The following OSBPL10 variants were observed in gnomAD, a reference collection of about 807,000 sequenced individuals.
OSBPL10 encodes the protein oxysterol binding protein like 10, also known as oxysterol-binding protein-related protein 10.
OSBPL10 carries 49 observed loss-of-function variants against 81.7 expected under a neutral mutation model. That is an observed-to-expected ratio of 0.60 (90% CI 0.48 to 0.76). The LOEUF (loss-of-function observed/expected upper bound fraction) is 0.76, where lower values mean the gene tolerates loss of function less well. Ranked by LOEUF, OSBPL10 falls within the 30% of genes least tolerant of loss-of-function variation. The pLI is 0.00. For synonymous variants in OSBPL10, 419 were observed against 383.6 expected, an observed-to-expected ratio of 1.09 and a Z score of -1.08; for missense variants, 923 against 987.8, an observed-to-expected ratio of 0.93 and a Z score of 0.88.
chr3:31,851,994 C>T (rs1267135415), intron 3 of OSBPL10, among the ~76,000 whole-genome samples: 1 of 152,152 alleles, frequency 6.6e-6, no homozygotes, highest in African/African-American at 2.4e-5. Flanking sequence ...GCAGAACCAC[C>T]CCGCTGGCCT....
chr3:31,926,037 C>T (rs1216503503), intron 1 of OSBPL10, among the ~76,000 whole-genome samples: 1 of 152,048 alleles, frequency 6.6e-6, no homozygotes, highest in Non-Finnish European at 1.5e-5. Flanking sequence ...TAACCACTCT[C>T]TTATCTTTAT....
upstream of OSBPL10, among the ~76,000 whole-genome samples, chr3:31,985,690 A>G (rs1206990388): frequency 6.6e-6 from 1 of 152,184 alleles, no homozygotes; most frequent in Non-Finnish European, 1.5e-5. Flanking sequence ...AATTATCACA[A>G]CCAGATCACT....
Position 31,664,107 on chromosome 3 carries a change from G to T in OSBPL10, c.2222C>A (p.Pro741Gln), listed in dbSNP as rs1314384884. ...CTGGATAAAATATTTGGGCTTCCAT[G>T]GTGTGCGGAGGTTCTCGCGCTTCCG... ...EERKRENLRT[P>Q]WKPKYFIQEG... The change falls in exon 11 of 12, where the codon CCA becomes CAA. Residue 741 changes from proline to glutamine, a missense_variant. Transcript: ENST00000396556. 1 of 1,613,940 alleles carries T rather than the reference G, an allele frequency of 6.2e-7. No homozygotes were observed.
upstream of OSBPL10, among the ~76,000 whole-genome samples, chr3:31,982,169 A>G (rs1698863663): frequency 2.0e-5 from 3 of 152,180 alleles, no homozygotes; most frequent in Admixed American, 6.5e-5. Context: ...CTCCAGAGGC[A>G]AGGGAAATTA....
intron 2 of OSBPL10, among the ~76,000 whole-genome samples, chr3:31,993,446 G>C (rs1423300803): frequency 6.6e-6 from 1 of 151,990 alleles, no homozygotes; most frequent in Non-Finnish European, 1.5e-5. Context: ...GACCTCAGGT[G>C]ATCCACCCGC....
chr3:31,894,317 G>A (rs1301227981), intron 1 of OSBPL10, among the ~76,000 whole-genome samples: 1 of 152,168 alleles, frequency 6.6e-6, no homozygotes, highest in Non-Finnish European at 1.5e-5. Flanking sequence ...AGGGGAGGCA[G>A]GAAGGAACGG....
At chr3:31,879,283 A>T in intron 2 of OSBPL10, 1 of 161,430 alleles carries the variant, frequency 6.2e-6, no homozygotes, top group Non-Finnish European at 1.3e-5. Context: ...AAACACTAGG[A>T]CCCTTAAAGG....
intron 5 of OSBPL10, among the ~76,000 whole-genome samples, chr3:31,744,581 G>C (rs1245371560): frequency 6.9e-6 from 1 of 144,348 alleles, no homozygotes; most frequent in East Asian, 2.1e-4. Flanking sequence ...AAGGAGAGTG[G>C]GCAAGTGACA....
At chr3:31,898,495 A>C (rs781301532) in intron 1 of OSBPL10, among the ~76,000 whole-genome samples, 2 of 152,054 alleles carry the variant, frequency 1.3e-5, no homozygotes, top group Non-Finnish European at 2.9e-5. Context: ...CTGTAATCCC[A>C]GCACTTTGGG....
intron 5 of OSBPL10, among the ~76,000 whole-genome samples, chr3:31,738,910 T>C (rs547158795): frequency 6.6e-6 from 1 of 151,686 alleles, no homozygotes. Context: ...CATATACATA[T>C]ATATTAAAAA....
intron 3 of OSBPL10, among the ~76,000 whole-genome samples, chr3:31,872,452 G>GT (rs5847722): frequency 0.046 from 6,358 of 136,886 alleles, 377 homozygotes; most frequent in African/African-American, 0.14. Flanking sequence ...TTTTGTTGTT[G>GT]TTTTTTTTTT....
chr3:31,884,991 A>G (rs1295101575), intron 1 of OSBPL10, among the ~76,000 whole-genome samples: 3 of 152,206 alleles, frequency 2.0e-5, no homozygotes, highest in Non-Finnish European at 4.4e-5. Flanking sequence ...GAGGAAAGCC[A>G]TCTTAATTCT....
chr3:31,835,238 C>T (rs996704732), intron 3 of OSBPL10, among the ~76,000 whole-genome samples: 23 of 152,046 alleles, frequency 1.5e-4, no homozygotes, highest in Non-Finnish European at 3.1e-4. Flanking sequence ...TTTTCAGAAA[C>T]CCACCTGTTA....
At chr3:32,032,069 G>A (rs1274730256) in intron 2 of OSBPL10, among the ~76,000 whole-genome samples, 1 of 152,070 alleles carries the variant, frequency 6.6e-6, no homozygotes, top group African/African-American at 2.4e-5. Flanking sequence ...GAGGATTGCT[G>A]AAGCCCAGGA....
intron 6 of OSBPL10, among the ~76,000 whole-genome samples, chr3:31,717,609 T>C (rs565003927): frequency 6.6e-5 from 10 of 152,300 alleles, no homozygotes; most frequent in Admixed American, 3.9e-4. Context: ...TCCCACTCAA[T>C]ACCTTTTGGT....
chr3:32,042,106 G>A (rs1204295588), intron 2 of OSBPL10, among the ~76,000 whole-genome samples: 3 of 152,146 alleles, frequency 2.0e-5, no homozygotes, highest in Non-Finnish European at 4.4e-5. Flanking sequence ...AGAGACCATA[G>A]GTAGGTTTTT....
At chr3:31,929,465 C>T (rs935681782) in intron 1 of OSBPL10, among the ~76,000 whole-genome samples, 1 of 151,944 alleles carries the variant, frequency 6.6e-6, no homozygotes, top group Non-Finnish European at 1.5e-5. Flanking sequence ...AGTAAAATAT[C>T]GGCCGGGCGC....
At chr3:31,907,211 C>T (rs1441057002) in intron 1 of OSBPL10, among the ~76,000 whole-genome samples, 4 of 152,156 alleles carry the variant, frequency 2.6e-5, no homozygotes, top group Non-Finnish European at 1.5e-5. Flanking sequence ...AAAAAGAACT[C>T]TAGGTCGGAC....
rs372344339 is a variant in OSBPL10 at position 31,792,033 on chromosome 3, C to T, written c.729+38007G>A. On this transcript the variant is annotated intron_variant, in intron 4 of 11. Transcript: ENST00000396556. ...GGCCGAGGTGGGAGGATCACTTGAG[C>T]CCAGGAGTTTGAGGCTAGCCTGGGC... 7.2e-5 allele frequency among the ~76,000 whole-genome samples: 11 copies of T among 152,072 alleles called. No homozygotes were observed. In the East Asian group the frequency reaches 1.4e-3, roughly 19 times the overall value.
Sources: gnomAD v4.1 joint callset for allele counts (sites outside exome capture counted in the v4.1 genomes callset) on GRCh38, gnomAD v4.1.1 for gene constraint, MANE v1.5 for transcripts, NCBI Gene and HGNC (gene_info 2026-07-23, HGNC 2026-07-21) for gene names.